The following AKAP6 variants were observed in gnomAD, a reference collection of about 807,000 sequenced individuals.
The protein encoded by AKAP6 is A-kinase anchoring protein 6.
AKAP6 carries 58 observed loss-of-function variants against 188.5 expected under a neutral mutation model. That is an observed-to-expected ratio of 0.31 (90% CI 0.25 to 0.38). The LOEUF is 0.38. Ranked by LOEUF, AKAP6 falls within the 10% of genes least tolerant of loss-of-function variation. AKAP6 has a pLI of 1.00. For synonymous variants in AKAP6, 989 were observed against 998.6 expected, an observed-to-expected ratio of 0.99 and a Z score of 0.18; for missense variants, 2,710 against 2,740.0, an observed-to-expected ratio of 0.99 and a Z score of 0.24.
Position 32,732,516 on chromosome 14 carries a change from A to C in AKAP6, c.3063A>C (p.Glu1021Asp), listed in dbSNP as rs1278263107. 1.2e-6 allele frequency: 2 copies of C among 1,613,574 alleles called. No homozygotes were observed. The highest frequency in any genetic ancestry group is 1.7e-6 in the Non-Finnish European group (2 of 1,179,672). Residue 1021 changes from glutamate to aspartate, a missense_variant, in exon 10 of 14, where the codon GAA becomes GAC. Transcript: ENST00000280979. ...AGACGGAGCTGCTTAGTAAGGTTGA[A>C]GCTTTGAAGAAAGGTGGCGTTTTAC... ...LKKTELLSKV[E>D]ALKKGGVLLP...
At position 32,821,977 on chromosome 14, in the gene AKAP6, G is replaced by T. The variant is rs371115925; in HGVS notation, c.4164G>T (p.Gly1388=). The change falls in exon 13 of 14, where the codon GGG becomes GGT. Residue 1388 remains glycine, a synonymous_variant. Coordinates refer to ENST00000280979, the MANE Select transcript of AKAP6 (RefSeq NM_004274.5). ...TGTGCTTGCTCAATGCAGTGGATGG[G>T]TCCCCAAGTAACCTTGAAACTGAAC... is the stretch of plus-strand genomic sequence containing the variant. ...SEMCLLNAVD[G]SPSNLETEHL... The T allele has an allele frequency of 9.9e-6, 16 of 1,613,778 alleles. No individual in the cohort carries two copies. Among genetic ancestry groups the T allele is most frequent in the African/African-American group, 2.7e-5 (2 of 74,882 alleles).
intron 1 of AKAP6, among the ~76,000 whole-genome samples, chr14:32,376,530 T>C (rs1467689675): frequency 6.6e-6 from 1 of 152,188 alleles, no homozygotes; most frequent in African/African-American, 2.4e-5. Flanking sequence ...GTCTATTGAA[T>C]AAATAAACAA....
In AKAP6 at chr14:32,834,243, A is replaced by G. The variant is rs2140178594; in HGVS notation, c.*4438A>G. Reference sequence around the variant, plus strand: ...CCCCGTCTCTACTAAAAATACAAAAATTAGCCAGGCGTGGTAGCTGTAATC... The same window carrying G: ...CCCCGTCTCTACTAAAAATACAAAAGTTAGCCAGGCGTGGTAGCTGTAATC... On this transcript the variant is annotated 3_prime_UTR_variant, in exon 14 of 14. Coordinates refer to ENST00000280979, the MANE Select transcript of AKAP6 (RefSeq NM_004274.5). 6.6e-6 allele frequency: 1 copy of G among 152,012 alleles called. No homozygotes were observed. The highest frequency in any genetic ancestry group is 2.1e-4 in the South Asian group (1 of 4,818). The allele number at this position is 152,012 out of a possible 1,614,324, so 9.4% of individuals were successfully genotyped here.
intron 1 of AKAP6, among the ~76,000 whole-genome samples, chr14:32,333,457 C>T (rs1160531309): frequency 6.6e-6 from 1 of 152,074 alleles, no homozygotes; most frequent in African/African-American, 2.4e-5. Flanking sequence ...CAGCTACATT[C>T]TAGAGGGGAA....
At chr14:32,421,883 G>A (rs1026826662) in intron 1 of AKAP6, among the ~76,000 whole-genome samples, 1 of 152,184 alleles carries the variant, frequency 6.6e-6, no homozygotes, top group Non-Finnish European at 1.5e-5. Flanking sequence ...CAGTGTATGA[G>A]GAGCCAAATC....
chr14:32,616,920 C>T (rs1409030709), intron 7 of AKAP6: 1 of 152,154 alleles, frequency 6.6e-6, no homozygotes, highest in African/African-American at 2.4e-5. Flanking sequence ...TTTCAGTTAA[C>T]TGAAAACCTG....
chr14:32,765,466 ATTC>A (rs1463568586), intron 11 of AKAP6, among the ~76,000 whole-genome samples: 2 of 152,160 alleles, frequency 1.3e-5, no homozygotes, highest in African/African-American at 4.8e-5. Flanking sequence ...TTTAGTTAAC[ATTC>A]TTCATTTCCC....
chr14:32,514,056 T>A (rs566003053), intron 2 of AKAP6, among the ~76,000 whole-genome samples: 6 of 152,198 alleles, frequency 3.9e-5, no homozygotes, highest in Non-Finnish European at 8.8e-5. Flanking sequence ...CATTATTGCC[T>A]TAGAAAAGAA....
rs1891074050 is a variant in AKAP6 at position 32,454,709 on chromosome 14, T to TCCC, written c.324+20892_324+20893insCCC. ...CTTCCCTCCCTCCCTCCCTCCCTCC[T>TCCC]TCCCTCCTTCTCTCCTTCCCTCCTT... On this transcript the variant is annotated intron_variant, in intron 2 of 13. Coordinates refer to ENST00000280979, the MANE Select transcript of AKAP6 (RefSeq NM_004274.5). 1.5e-4 allele frequency among the ~76,000 whole-genome samples: 2 copies of TCCC among 12,950 alleles called. 1 individual carries two copies. Among genetic ancestry groups the TCCC allele is most frequent in the African/African-American group, 3.7e-4 (2 of 5,438 alleles). 8.5% of individuals were successfully genotyped at this position (12,950 alleles called of 152,430 possible).
At chr14:32,567,955 G>A (rs904681791) in intron 4 of AKAP6, among the ~76,000 whole-genome samples, 1 of 152,066 alleles carries the variant, frequency 6.6e-6, no homozygotes, top group African/African-American at 2.4e-5. Flanking sequence ...GGAGAAGTGG[G>A]GGAAGAGAGC....
chr14:32,529,997 G>A (rs796667109), intron 2 of AKAP6, among the ~76,000 whole-genome samples: 4 of 93,974 alleles, frequency 4.3e-5, no homozygotes, highest in African/African-American at 1.8e-4. Flanking sequence ...TTGGAGACAG[G>A]TTCTTGCTTT....
chr14:32,409,598 G>T (rs560079086), intron 1 of AKAP6, among the ~76,000 whole-genome samples: 1 of 152,214 alleles, frequency 6.6e-6, no homozygotes, highest in Non-Finnish European at 1.5e-5. Context: ...GGCTTCTGAG[G>T]TTCCTTTCTA....
chr14:32,825,133 C>T (rs575799838), intron 13 of AKAP6, among the ~76,000 whole-genome samples: 3 of 152,278 alleles, frequency 2.0e-5, no homozygotes, highest in South Asian at 2.1e-4. Context: ...TTATCCAAAT[C>T]GCAATTATAC....
chr14:32,785,199 A>T (rs908304835), intron 12 of AKAP6, among the ~76,000 whole-genome samples: 4 of 152,044 alleles, frequency 2.6e-5, no homozygotes, highest in African/African-American at 9.7e-5. Context: ...ATTGGCTCTT[A>T]CATAAAGAGT....
intron 2 of AKAP6, among the ~76,000 whole-genome samples, chr14:32,509,532 A>G (rs1407099137): frequency 6.6e-6 from 1 of 152,116 alleles, no homozygotes; most frequent in Non-Finnish European, 1.5e-5. Flanking sequence ...TTATGGCAAA[A>G]TAATTTCTTA....
At chr14:32,510,438 G>GTATATATATATATACACATATATATGTA (rs1236692640) in intron 2 of AKAP6, among the ~76,000 whole-genome samples, 4 of 84,424 alleles carry the variant, frequency 4.7e-5, no homozygotes, top group African/African-American at 1.8e-4. Flanking sequence ...ATATATATGT[G>GTATATATATATATACACATATATATGTA]TATATATATA....
chr14:32,796,129 G>A (rs1480342734), intron 12 of AKAP6, among the ~76,000 whole-genome samples: 2 of 152,066 alleles, frequency 1.3e-5, no homozygotes, highest in Non-Finnish European at 2.9e-5. Context: ...AAATCAGAGA[G>A]TACATAAACA....
intron 1 of AKAP6, among the ~76,000 whole-genome samples, chr14:32,354,900 C>A (rs1019521064): frequency 1.3e-5 from 2 of 152,228 alleles, no homozygotes; most frequent in African/African-American, 4.8e-5. Flanking sequence ...CTCTGTGGAT[C>A]CTGGTGTAAC....
intron 12 of AKAP6, among the ~76,000 whole-genome samples, chr14:32,802,524 T>C (rs776618080): frequency 9.2e-5 from 14 of 152,190 alleles, no homozygotes; most frequent in Middle Eastern, 3.2e-3. Context: ...AGAGGGAAAA[T>C]TAAAGACAAA....
Sources: allele counts gnomAD v4.1 joint callset (sites outside exome capture counted in the v4.1 genomes callset), GRCh38; gene constraint gnomAD v4.1.1; transcripts MANE v1.5; gene names NCBI Gene and HGNC (gene_info 2026-07-23, HGNC 2026-07-21).